The following LIG3 variants were observed in gnomAD, a reference collection of about 807,000 sequenced individuals.
The protein encoded by LIG3 is ligase II, DNA, ATP-dependent.
A neutral mutation model predicts 110.9 loss-of-function variants in LIG3; 58 were observed. That is an observed-to-expected ratio of 0.52 (90% CI 0.42 to 0.65). The LOEUF (loss-of-function observed/expected upper bound fraction) is 0.65. Among genes scored for constraint, LIG3 ranks in the 30% least tolerant of loss-of-function variants. The pLI is 0.00. For missense variants in LIG3, 1,094 were observed against 1,273.8 expected (o/e 0.86, Z 2.15); for synonymous variants, 422 against 472.8 (o/e 0.89, Z 1.39).
In LIG3 at chr17:35,004,470, A is replaced by G; in HGVS notation, c.2994A>G (p.Ala998=). The change falls in exon 20 of 20, where the codon GCA becomes GCG. Residue 998 remains alanine, a synonymous_variant. Coordinates refer to ENST00000378526, the MANE Select transcript of LIG3 (RefSeq NM_013975.4). ...AGGTCTCCCCAGAGTGGATTTGGGC[A>G]TGTATCCGGAAACGGAGACTGGTAG... ...AQQVSPEWIW[A]CIRKRRLVAP... 1.9e-6 allele frequency: 3 copies of G among 1,614,088 alleles called. No homozygotes were observed. Among genetic ancestry groups the G allele is most frequent in the Non-Finnish European group, 2.5e-6 (3 of 1,179,982 alleles).
chr17:34,987,123 T>C (rs1240525361), intron 3 of LIG3, among the ~76,000 whole-genome samples: 7 of 152,244 alleles, frequency 4.6e-5, no homozygotes, highest in Admixed American at 4.6e-4. Flanking sequence ...CACACGTGTA[T>C]ACACACATAT....
At chr17:35,001,460 C>T in intron 17 of LIG3, 57 bp downstream of exon 17, 1 of 1,545,106 alleles carries the variant, frequency 6.5e-7, no homozygotes, top group Non-Finnish European at 8.9e-7. Flanking sequence ...GCCTTGGAGC[C>T]TTGGGCATCT....
rs2090621895 is a variant in LIG3, at chr17:34,983,196, T to C, written c.191T>C (p.Leu64Pro). ...GTTCTATCATTCCAGGGAAGCCATC[T>C]AAGATCACGTGCCACCTACCTTGTT... ...KPVLSFQGSHLRSRATYLVFL... is the reference protein window; with the variant it reads ...KPVLSFQGSHPRSRATYLVFL... Residue 64 changes from leucine (L) to proline (P), a missense_variant, in exon 2 of 20, where the codon CTA becomes CCA. Coordinates refer to ENST00000378526, the MANE Select transcript of LIG3 (RefSeq NM_013975.4). The C allele has an allele frequency of 6.2e-7, 1 of 1,614,062 alleles. No homozygotes were observed. Among genetic ancestry groups the C allele is most frequent in the South Asian group, 1.1e-5 (1 of 91,086 alleles).
rs765987290 is a variant in LIG3 at position 35,005,681 on chromosome 17, G to A, written c.*1175G>A. Reference sequence around the variant, plus strand: ...TCATTGGATTCGTCTGTGTCCTACTGAGTTTTTTCATGGCTGGAGTATTCA... The same window carrying A: ...TCATTGGATTCGTCTGTGTCCTACTAAGTTTTTTCATGGCTGGAGTATTCA... On this transcript the variant is annotated 3_prime_UTR_variant, in exon 20 of 20. Coordinates refer to ENST00000378526, the MANE Select transcript of LIG3 (RefSeq NM_013975.4). 1 of 562,936 alleles carries A rather than the reference G, an allele frequency of 1.8e-6. No individual in the cohort carries two copies. The highest frequency in any genetic ancestry group is 1.4e-5 in the South Asian group (1 of 72,746). The allele number at this position is 562,936 out of a possible 1,614,324, so 34.9% of individuals were successfully genotyped here. A position where few individuals can be genotyped will look rare whatever the true frequency, so the allele number is the denominator to read the frequency against.
chr17:35,003,173 G>C lies in LIG3; in HGVS notation c.2796+384G>C, dbSNP rs530712868. The C allele has an allele frequency of 9.5e-5, 145 of 1,518,412 alleles. No homozygotes were observed. In the African/African-American group the frequency reaches 1.8e-3, roughly 19 times the overall value. The allele number at this position is 1,518,412 out of a possible 1,614,324, so 94.1% of individuals were successfully genotyped here. On this transcript the variant is annotated intron_variant, in intron 19 of 19. Coordinates refer to ENST00000378526, the MANE Select transcript of LIG3 (RefSeq NM_013975.4). ...AATGCAGCATTGAGTTTGTGGTCAG[G>C]GTGGAAGCAGGTCCAGCAAGCAGCG...
chr17:34,989,663 G>A lies in LIG3; in HGVS notation c.889G>A (p.Asp297Asn), dbSNP rs938083445. Reference protein sequence around the residue: ...QDFLRKGSAGDGFHGDVYLTV... With the variant: ...QDFLRKGSAGNGFHGDVYLTV... The stretch of plus-strand genomic sequence containing the variant: ...CTTCCTTCGGAAAGGCTCAGCAGGA[G>A]GTGTGGCATGAGCATCCTGAATAGG... The change falls in exon 4 of 20, where the codon GAT (aspartate) becomes AAT (asparagine). Residue 297 changes from aspartate (D) to asparagine (N), a missense_variant and splice_region_variant. Asp to Asn is a conservative substitution (Grantham distance 23). Transcript: ENST00000378526. 1.2e-6 allele frequency: 2 copies of A among 1,613,972 alleles called. No homozygotes were observed. Among genetic ancestry groups the A allele is most frequent in the Admixed American group, 1.7e-5 (1 of 60,008 alleles).
At position 35,009,464 on chromosome 17, in the gene LIG3, C is replaced by T. The variant is rs2090920918; in HGVS notation, c.*4958C>T. ...TTCCATATCATTAAAACCAAGGATC[C>T]ATGAGGGGCAGAAGGGAGGATTCAA... On this transcript the variant is annotated 3_prime_UTR_variant, in exon 20 of 20. Coordinates refer to ENST00000378526, the MANE Select transcript of LIG3 (RefSeq NM_013975.4). 2.0e-5 allele frequency: 3 copies of T among 151,600 alleles called. No homozygotes were observed. Among genetic ancestry groups the T allele is most frequent in the Admixed American group, 2.0e-4 (3 of 15,204 alleles). The allele number at this position is 151,600 out of a possible 1,614,324, so 9.4% of individuals were successfully genotyped here.
intron 4 of LIG3, among the ~76,000 whole-genome samples, chr17:34,990,285 G>T (rs1405158428): frequency 1.3e-5 from 2 of 152,154 alleles, no homozygotes; most frequent in African/African-American, 4.8e-5. Flanking sequence ...TTGTTTGTTT[G>T]TTTATTTATT....
chr17:34,997,513 C>A, intron 11 of LIG3: 1 of 521,494 alleles, frequency 1.9e-6, no homozygotes, highest in Non-Finnish European at 3.5e-6. Flanking sequence ...GAACTAGGAA[C>A]TACAACTATG....
rs1158008589 is a variant in LIG3 at position 34,997,577 on chromosome 17, C to CT, written c.1824-159dup. The CT allele has an allele frequency of 6.6e-6, 4 of 609,866 alleles. No individual in the cohort carries two copies. The African/African-American group carries it at 7.4e-5, about 11-fold the overall frequency. The allele number at this position is 609,866 out of a possible 1,614,324, so 37.8% of individuals were successfully genotyped here. ...TTCCATCTTCGGTCACGATGGAGCC[C>CT]TTGTAGCCCTTGACAGCAGAACTGT... On this transcript the variant is annotated intron_variant, in intron 11 of 19. Transcript: ENST00000378526.
chr17:35,010,175 A>T (rs2090927442), downstream of LIG3: 1 of 152,194 alleles, frequency 6.6e-6, no homozygotes, highest in South Asian at 2.1e-4. Flanking sequence ...AAGTCCCTTT[A>T]GAGGTTTCCC....
Position 35,004,967 on chromosome 17 carries a change from G to A in LIG3, c.*461G>A, listed in dbSNP as rs1030495193. ...AAGTTGTATTTAAAGGACTGCCCTC[G>A]GAAATGCTTCTGTTTAGCGGAACTT... On this transcript the variant is annotated 3_prime_UTR_variant, in exon 20 of 20. Coordinates refer to ENST00000378526, the MANE Select transcript of LIG3 (RefSeq NM_013975.4). 4.0e-5 allele frequency: 11 copies of A among 272,936 alleles called. No homozygotes were observed. The highest frequency in any genetic ancestry group is 1.2e-4 in the South Asian group (3 of 24,166). The allele number at this position is 272,936 out of a possible 1,614,324, so 16.9% of individuals were successfully genotyped here. A position where few individuals can be genotyped will look rare whatever the true frequency, so the allele number is the denominator to read the frequency against.
rs78393746 is a variant in LIG3, at chr17:34,998,431, G to A, written c.1989+135G>A. On this transcript the variant is annotated intron_variant, in intron 13 of 19. Coordinates refer to ENST00000378526, the MANE Select transcript of LIG3 (RefSeq NM_013975.4). ...GGCTGCTGGGGAAGTGTGGGCAGAT[G>A]TGTCCTGGATCTGGAGGACTGCTTT... 3,045 of 1,081,994 alleles carry A rather than the reference G, an allele frequency of 2.8e-3. 60 individuals are homozygous for A. In the African/African-American group the frequency reaches 0.039, roughly 14 times the overall value. The allele number at this position is 1,081,994 out of a possible 1,614,324, so 67.0% of individuals were successfully genotyped here.
In LIG3 at chr17:34,987,696, C is replaced by G. The variant is rs568732203; in HGVS notation, c.691+1565C>G. Among the ~76,000 whole-genome samples the G allele has an allele frequency of 1.4e-3, 219 of 152,294 alleles. 1 individual carries two copies. Among genetic ancestry groups the G allele is most frequent in the African/African-American group, 5.2e-3 (216 of 41,558 alleles). ...TGTCTATGAAGCAGCAGTGGCCTCT[C>G]CTACCATAGTGCTATGCACAGGGTG... On this transcript the variant is annotated intron_variant, in intron 3 of 19. Transcript: ENST00000378526.
Position 34,994,347 on chromosome 17 carries a change from C to T in LIG3, c.1527C>T (p.Tyr509=), listed in dbSNP as rs760369065. ...ATGGCATGTTCTCTGAGATCAAGTA[C>T]GATGGAGAGCGAGTCCAGGTGCATA... The part of the protein sequence containing the change: ...CPNGMFSEIK[Y]DGERVQVHKN... The change falls in exon 9 of 20, where the codon TAC becomes TAT. Residue 509 remains tyrosine, a synonymous_variant. Coordinates refer to ENST00000378526, the MANE Select transcript of LIG3 (RefSeq NM_013975.4). The T allele has an allele frequency of 1.1e-5, 18 of 1,613,976 alleles. No homozygotes were observed. The highest frequency in any genetic ancestry group is 1.6e-4 in the Middle Eastern group (1 of 6,070).
rs1334316330 is a variant in LIG3 at position 34,994,425 on chromosome 17, T to G, written c.1605T>G (p.Pro535=). The change falls in exon 9 of 20, where the codon CCT becomes CCG. Residue 535 remains proline (P), a synonymous_variant. Transcript: ENST00000378526. ...YFSRSLKPVL[P]HKVAHFKDYI... ...GCCGCAGTCTCAAGCCCGTCCTTCC[T>G]CACAAGGTATGAGTGCCTTCCTTTC... 1 of 1,613,632 alleles carries G rather than the reference T, an allele frequency of 6.2e-7. No homozygotes were observed. Among genetic ancestry groups the G allele is most frequent in the Admixed American group, 1.7e-5 (1 of 59,952 alleles).
At position 34,990,849 on chromosome 17, in the gene LIG3, G is replaced by A. The variant is rs2090711818; in HGVS notation, c.890-114G>A. On this transcript the variant is annotated intron_variant, in intron 4 of 19. Coordinates refer to ENST00000378526, the MANE Select transcript of LIG3 (RefSeq NM_013975.4). ...TGAGCTTAAGCAATTCTCCTGCTTC[G>A]GCCTCCCAAAGTGCTGAGATTACAG... The A allele has an allele frequency of 1.1e-5, 10 of 908,036 alleles. No homozygotes were observed. In the Admixed American group the frequency reaches 1.5e-4, roughly 13 times the overall value. 56.2% of individuals were successfully genotyped at this position (908,036 alleles called of 1,614,324 possible).
intron 2 of LIG3, among the ~76,000 whole-genome samples, chr17:34,985,731 G>T (rs1054713470): frequency 7.2e-5 from 11 of 152,166 alleles, no homozygotes; most frequent in African/African-American, 2.7e-4. Context: ...GGAGAATGTT[G>T]ATGAAAATTT....
Position 34,990,811 on chromosome 17 carries a change from G to A in LIG3, c.890-152G>A, listed in dbSNP as rs1384884133. ...TGGGGTCTTTCTTTGTTGCCAGGGT[G>A]GTCTCAAACTTGTGAGCTTAAGCAA... is the stretch of plus-strand genomic sequence containing the variant. On this transcript the variant is annotated intron_variant, in intron 4 of 19. Coordinates refer to ENST00000378526, the MANE Select transcript of LIG3 (RefSeq NM_013975.4). 1.4e-5 allele frequency: 9 copies of A among 637,428 alleles called. 1 individual carries two copies. Among genetic ancestry groups the A allele is most frequent in the Non-Finnish European group, 2.4e-5 (9 of 379,264 alleles). The allele number at this position is 637,428 out of a possible 1,614,324, so 39.5% of individuals were successfully genotyped here. A position where few individuals can be genotyped will look rare whatever the true frequency, so the allele number is the denominator to read the frequency against.
Sources: allele counts gnomAD v4.1 joint callset (sites outside exome capture counted in the v4.1 genomes callset), GRCh38; gene constraint gnomAD v4.1.1; transcripts MANE v1.5; gene names NCBI Gene and HGNC (gene_info 2026-07-23, HGNC 2026-07-21).